FANK1: variants seen among roughly 807,000 people sequenced by gnomAD.
The protein encoded by FANK1 is fibronectin type 3 and ankyrin repeat domains protein 1.
A neutral mutation model predicts 45.3 loss-of-function variants in FANK1; 44 were observed. That is an observed-to-expected ratio of 0.97 (90% confidence interval 0.76 to 1.25). The LOEUF is 1.25. FANK1 is among the 50% of genes most tolerant of loss of function. The pLI, the probability that FANK1 is intolerant of heterozygous loss-of-function variation, is 0.00. For synonymous variants in FANK1, 149 were observed against 152.5 expected, an observed-to-expected ratio of 0.98 and a Z score of 0.17; for missense variants, 391 against 424.4, an observed-to-expected ratio of 0.92 and a Z score of 0.69.
rs1253024433 is a variant in FANK1, at chr10:125,944,934, C to CTG, written c.14-35217_14-35216dup. Among the ~76,000 whole-genome samples, 12 of 152,292 alleles carry CTG rather than the reference C, an allele frequency of 7.9e-5. 1 individual carries two copies. The highest frequency in any genetic ancestry group is 6.5e-4 in the Admixed American group (10 of 15,304). On this transcript the variant is annotated intron_variant, in intron 1 of 10. Transcript: ENST00000368693. ...TTTCCCACTTCACACCTCTGTATTT[C>CTG]TGTGTGTGTGTCTTTAATTCCTCTA...
At chr10:125,993,910 T>C (rs1727916766) in intron 3 of FANK1, among the ~76,000 whole-genome samples, 1 of 152,228 alleles carries the variant, frequency 6.6e-6, no homozygotes, top group Non-Finnish European at 1.5e-5. Context: ...CGGCTAAAGA[T>C]CCTTCTGGTA....
intron 1 of FANK1, among the ~76,000 whole-genome samples, chr10:125,925,718 C>A (rs1947300892): frequency 6.6e-6 from 1 of 151,662 alleles, no homozygotes; most frequent in Admixed American, 6.5e-5. Context: ...TATTTTAATA[C>A]CTTTTAAAAT....
At chr10:126,007,996 A>G (rs1953360343) in intron 7 of FANK1, among the ~76,000 whole-genome samples, 1 of 152,182 alleles carries the variant, frequency 6.6e-6, no homozygotes, top group South Asian at 2.1e-4. Context: ...CCTAAAATTG[A>G]TAAGTATTAG....
intron 1 of FANK1, among the ~76,000 whole-genome samples, chr10:125,919,327 T>G (rs1946764017): frequency 6.8e-6 from 1 of 147,386 alleles, no homozygotes; most frequent in Admixed American, 6.9e-5. Context: ...TGCCTCAGCC[T>G]CGCTAGTAGC....
chr10:125,956,165 C>G (rs1288789636), intron 1 of FANK1, among the ~76,000 whole-genome samples: 6 of 118,614 alleles, frequency 5.1e-5, no homozygotes, highest in Non-Finnish European at 4.8e-5. Context: ...ACGATCTACT[C>G]TTGAAGCTTA....
intron 1 of FANK1, chr10:125,907,634 AAGAGG>A: frequency 1.9e-6 from 1 of 519,882 alleles, no homozygotes; most frequent in South Asian, 8.1e-5. Context: ...AAGGAGAGGG[AAGAGG>A]AGAGGAGGAG....
chr10:125,969,146 CATG>C (rs1950342145), intron 1 of FANK1, among the ~76,000 whole-genome samples: 1 of 152,036 alleles, frequency 6.6e-6, no homozygotes, highest in African/African-American at 2.4e-5. Context: ...AAATATTTGT[CATG>C]ATGAAAAGAT....
chr10:125,906,714 G>A (rs556062471), intron 1 of FANK1, among the ~76,000 whole-genome samples: 1 of 152,082 alleles, frequency 6.6e-6, no homozygotes, highest in African/African-American at 2.4e-5. Flanking sequence ...GAATTCTTAT[G>A]ACTTCTATTT....
intron 2 of FANK1, among the ~76,000 whole-genome samples, chr10:125,982,663 C>T (rs1951294412): frequency 6.6e-6 from 1 of 152,200 alleles, no homozygotes; most frequent in Admixed American, 6.5e-5. Flanking sequence ...CCTGATTTGT[C>T]AGTTTCTGTT....
In FANK1 at chr10:125,920,032, C is replaced by T. The variant is rs542656778; in HGVS notation, c.13+23377C>T. ...CCTTGCAGTTCAAAGACACTGAGGCCCTGTCTAATAATACAGAGGTTGAAC... is the reference window on the plus strand; with the variant it reads ...CCTTGCAGTTCAAAGACACTGAGGCTCTGTCTAATAATACAGAGGTTGAAC... On this transcript the variant is annotated intron_variant, in intron 1 of 10. Coordinates refer to ENST00000368693, the MANE Select transcript of FANK1 (RefSeq NM_145235.5). Among the ~76,000 whole-genome samples the T allele has an allele frequency of 2.6e-5, 4 of 152,164 alleles. 1 individual carries two copies. Among genetic ancestry groups the T allele is most frequent in the African/African-American group, 4.8e-5 (2 of 41,516 alleles).
chr10:125,995,557 C>G, intron 4 of FANK1, 59 bp downstream of exon 4: 2 of 1,461,644 alleles, frequency 1.4e-6, no homozygotes, highest in East Asian at 4.5e-5. Context: ...CATAGAAATA[C>G]ATGCAGTAGT....
At chr10:125,952,800 T>TACACAC (rs57356060) in intron 1 of FANK1, among the ~76,000 whole-genome samples, 92 of 117,834 alleles carry the variant, frequency 7.8e-4, no homozygotes, top group East Asian at 1.6e-3. Context: ...AGGAAATACA[T>TACACAC]ACACACACAC....
intron 6 of FANK1, among the ~76,000 whole-genome samples, chr10:125,999,782 A>G (rs529628911): frequency 6.6e-6 from 1 of 152,322 alleles, no homozygotes; most frequent in South Asian, 2.1e-4. Context: ...ATGAGTTAAT[A>G]TGAAAAATGC....
chr10:125,988,877 G>A (rs1434146374), intron 3 of FANK1: 11 of 794,832 alleles, frequency 1.4e-5, no homozygotes, highest in Admixed American at 6.4e-5. Flanking sequence ...CACAAACTGG[G>A]AGAGCTATTT....
In FANK1 at chr10:125,905,451, A is replaced by G. The variant is rs562392853; in HGVS notation, c.13+8796A>G. Among the ~76,000 whole-genome samples, 3 of 152,372 alleles carry G rather than the reference A, an allele frequency of 2.0e-5. No homozygotes were observed. The South Asian group carries it at 6.3e-4, about 32-fold the overall frequency. On this transcript the variant is annotated intron_variant, in intron 1 of 10. Transcript: ENST00000368693. Reference sequence around the variant, plus strand: ...CCTATTACTAGACATAGGAGTTTACATACTTCTTCTGTTTGGCTTTGGTAA... The same window carrying G: ...CCTATTACTAGACATAGGAGTTTACGTACTTCTTCTGTTTGGCTTTGGTAA...
At chr10:125,968,581 A>T (rs1373911154) in intron 1 of FANK1, among the ~76,000 whole-genome samples, 4 of 152,214 alleles carry the variant, frequency 2.6e-5, no homozygotes, top group Admixed American at 1.3e-4. Flanking sequence ...ACAAATCACA[A>T]TTGCAAATTC....
intron 1 of FANK1, among the ~76,000 whole-genome samples, chr10:125,946,519 T>C (rs1170293171): frequency 6.6e-6 from 1 of 151,624 alleles, no homozygotes; most frequent in Non-Finnish European, 1.5e-5. Flanking sequence ...CAATGGAAGA[T>C]GAAATGAATG....
intron 1 of FANK1, among the ~76,000 whole-genome samples, chr10:125,962,585 C>A (rs185048452): frequency 6.6e-6 from 1 of 151,868 alleles, no homozygotes; most frequent in South Asian, 2.1e-4. Context: ...AGTTTTCTGC[C>A]GAGTATAACC....
chr10:125,970,283 G>A (rs1309157112), intron 1 of FANK1, among the ~76,000 whole-genome samples: 2 of 151,070 alleles, frequency 1.3e-5, no homozygotes, highest in East Asian at 2.0e-4. Context: ...GCTGCTGGGC[G>A]GGGGCGCCCC....
Sources: allele counts gnomAD v4.1 joint callset (sites outside exome capture counted in the v4.1 genomes callset), GRCh38; gene constraint gnomAD v4.1.1; transcripts MANE v1.5; gene names NCBI Gene and HGNC (gene_info 2026-07-23, HGNC 2026-07-21).